Variants in RANBP17 observed in about 807,000 individuals in gnomAD.
The protein encoded by RANBP17 is ran-binding protein 17.
RANBP17 carries 158 observed loss-of-function variants against 141.2 expected under a neutral mutation model. That is an observed-to-expected ratio of 1.12 (90% CI 0.98 to 1.28). The LOEUF is 1.28. RANBP17 is among the 50% of genes most tolerant of loss of function. RANBP17 has a pLI of 0.00. For missense variants in RANBP17, 1,438 were observed against 1,290.7 expected (o/e 1.11, Z -1.75); for synonymous variants, 430 against 450.0 (o/e 0.96, Z 0.56).
At chr5:170,883,954 C>T (rs539131314) in intron 3 of RANBP17, among the ~76,000 whole-genome samples, 1 of 152,250 alleles carries the variant, frequency 6.6e-6, no homozygotes, top group South Asian at 2.1e-4. Flanking sequence ...TTTCAGCTCC[C>T]TTGGATAAAT....
intron 14 of RANBP17, among the ~76,000 whole-genome samples, chr5:171,130,876 T>C (rs1018427510): frequency 1.8e-4 from 28 of 152,314 alleles, no homozygotes; most frequent in Admixed American, 7.8e-4. Context: ...TAGCTACTTT[T>C]GGTGAATAGA....
At chr5:171,029,131 T>G (rs1781401124) in intron 14 of RANBP17, 1 of 242,446 alleles carries the variant, frequency 4.1e-6, no homozygotes, top group Admixed American at 4.8e-5. Flanking sequence ...AATTTATCTA[T>G]TCATTTATTC....
At chr5:170,879,535 ATGT>A (rs1362063191) in intron 2 of RANBP17, among the ~76,000 whole-genome samples, 2 of 152,190 alleles carry the variant, frequency 1.3e-5, no homozygotes, top group African/African-American at 4.8e-5. Context: ...ATTTCAAATG[ATGT>A]TATCAAAATG....
chr5:170,892,789 G>A (rs753215601), intron 4 of RANBP17, among the ~76,000 whole-genome samples: 21 of 152,078 alleles, frequency 1.4e-4, no homozygotes, highest in Non-Finnish European at 2.1e-4. Context: ...TTCAAAATGT[G>A]TGTACATTTA....
intron 14 of RANBP17, among the ~76,000 whole-genome samples, chr5:171,022,534 G>A (rs1332371874): frequency 6.6e-6 from 1 of 152,252 alleles, no homozygotes; most frequent in Non-Finnish European, 1.5e-5. Context: ...AGTGAGGAAG[G>A]ATGGGTCAGA....
chr5:170,900,842 C>A (rs1458813338), intron 5 of RANBP17, among the ~76,000 whole-genome samples: 7 of 152,156 alleles, frequency 4.6e-5, no homozygotes, highest in Non-Finnish European at 1.5e-5. Context: ...GTTTCTTAAT[C>A]CTGAGTTTTA....
At chr5:170,938,807 A>C (rs1383119472) in intron 12 of RANBP17, among the ~76,000 whole-genome samples, 1 of 152,208 alleles carries the variant, frequency 6.6e-6, no homozygotes, top group Admixed American at 6.5e-5. Context: ...GAGACGTTAA[A>C]GGATGGAATG....
chr5:171,007,256 C>T (rs777336150), intron 14 of RANBP17, among the ~76,000 whole-genome samples: 18 of 152,134 alleles, frequency 1.2e-4, no homozygotes, highest in African/African-American at 3.1e-4. Flanking sequence ...AAAAGGCACA[C>T]GTACCCTGAC....
chr5:171,213,580 A>G lies in RANBP17; in HGVS notation c.2232-51A>G, dbSNP rs777992136. On this transcript the variant is annotated intron_variant, in intron 20 of 27. Coordinates refer to ENST00000523189, the MANE Select transcript of RANBP17 (RefSeq NM_022897.5). ...GTGTATGTGTGTGGCACTAATTTTCAGAAACAGTATTTCTTTAGACCCTTA... is the reference window on the plus strand; with the variant it reads ...GTGTATGTGTGTGGCACTAATTTTCGGAAACAGTATTTCTTTAGACCCTTA... 11 of 1,309,916 alleles carry G rather than the reference A, an allele frequency of 8.4e-6. No individual in the cohort carries two copies. The African/African-American group carries it at 1.2e-4, about 14-fold the overall frequency. 81.1% of individuals were successfully genotyped at this position (1,309,916 alleles called of 1,614,324 possible). A position where few individuals can be genotyped will look rare whatever the true frequency, so the allele number is the denominator to read the frequency against.
chr5:171,211,635 T>G (rs1041294825), intron 20 of RANBP17, among the ~76,000 whole-genome samples: 10 of 150,968 alleles, frequency 6.6e-5, no homozygotes, highest in East Asian at 3.9e-4. Context: ...AGGGTTTTTT[T>G]TTTTTTTTTT....
chr5:171,044,327 AT>A (rs1429304067), intron 14 of RANBP17, among the ~76,000 whole-genome samples: 1 of 152,158 alleles, frequency 6.6e-6, no homozygotes, highest in African/African-American at 2.4e-5. Context: ...CTTAAAATGA[AT>A]TTTAATATAA....
chr5:171,163,628 T>C (rs1759491234), intron 14 of RANBP17, among the ~76,000 whole-genome samples: 1 of 152,222 alleles, frequency 6.6e-6, no homozygotes, highest in Non-Finnish European at 1.5e-5. Flanking sequence ...ACACTAATGC[T>C]TTCATTATAT....
intron 25 of RANBP17, among the ~76,000 whole-genome samples, chr5:171,278,185 G>C (rs1196276070): frequency 6.6e-6 from 1 of 151,764 alleles, no homozygotes; most frequent in Non-Finnish European, 1.5e-5. Flanking sequence ...AAGGGTTCCT[G>C]ACCAGCCTGG....
chr5:171,115,549 A>G (rs968178097), intron 14 of RANBP17, among the ~76,000 whole-genome samples: 2 of 152,218 alleles, frequency 1.3e-5, no homozygotes, highest in African/African-American at 4.8e-5. Flanking sequence ...AAATAACTAG[A>G]CTACATATCC....
chr5:170,944,292 A>G (rs977506987), intron 12 of RANBP17, among the ~76,000 whole-genome samples: 22 of 152,174 alleles, frequency 1.4e-4, no homozygotes, highest in Admixed American at 3.9e-4. Context: ...TTTTTGAGAC[A>G]GGGTCTCACT....
At chr5:171,296,381 GA>G (rs1477725693) in intron 27 of RANBP17, among the ~76,000 whole-genome samples, 2 of 152,204 alleles carry the variant, frequency 1.3e-5, no homozygotes, top group Non-Finnish European at 2.9e-5. Context: ...CATAGGCCTT[GA>G]GGTCAGACAG....
chr5:170,913,411 G>C (rs908936991), intron 7 of RANBP17, among the ~76,000 whole-genome samples: 1 of 152,006 alleles, frequency 6.6e-6, no homozygotes, highest in Non-Finnish European at 1.5e-5. Flanking sequence ...GAAGAACATT[G>C]TGCCAGTCTC....
chr5:171,277,637 G>GTATGTATATATATATATATA (rs1554127913), intron 25 of RANBP17, among the ~76,000 whole-genome samples: 2 of 56,902 alleles, frequency 3.5e-5, no homozygotes, highest in African/African-American at 5.8e-5. Flanking sequence ...ATATATGTAT[G>GTATGTATATATATATATATA]TATATATATA....
intron 14 of RANBP17, among the ~76,000 whole-genome samples, chr5:170,989,923 AT>A (rs1040549578): frequency 1.3e-5 from 2 of 151,812 alleles, no homozygotes; most frequent in African/African-American, 4.8e-5. Flanking sequence ...GACAGAGGAA[AT>A]ATGACAAAAT....
Sources: allele counts gnomAD v4.1 joint callset (sites outside exome capture counted in the v4.1 genomes callset), GRCh38; gene constraint gnomAD v4.1.1; transcripts MANE v1.5; gene names NCBI Gene and HGNC (gene_info 2026-07-23, HGNC 2026-07-21).